GALNT17: variants seen among roughly 807,000 people sequenced by gnomAD.
GALNT17 encodes UDP-GalNAc:polypeptide N-acetylgalactosaminyltransferase-like 3.
GALNT17 carries 29 observed loss-of-function variants against 63.7 expected under a neutral mutation model. That is an observed-to-expected ratio of 0.46 (90% CI 0.34 to 0.62). The LOEUF (loss-of-function observed/expected upper bound fraction) is 0.62, where lower values mean the gene tolerates loss of function less well. GALNT17 is among the 20% of genes least tolerant of loss of function. The pLI is 0.01. For synonymous variants in GALNT17, 305 were observed against 318.3 expected (o/e 0.96, Z 0.45); for missense variants, 603 against 799.6 (o/e 0.75, Z 2.97).
intron 5 of GALNT17, among the ~76,000 whole-genome samples, chr7:71,539,305 G>A (rs1562682084): frequency 6.6e-6 from 1 of 152,040 alleles, no homozygotes; most frequent in Non-Finnish European, 1.5e-5. Flanking sequence ...TTTCTTGGAG[G>A]TTGCGGTTAT....
At chr7:71,154,174 C>T (rs186824388) in intron 1 of GALNT17, among the ~76,000 whole-genome samples, 19 of 152,126 alleles carry the variant, frequency 1.2e-4, no homozygotes, top group East Asian at 3.9e-4. Context: ...GCCACCATAC[C>T]GGCTTCGCTG....
intron 3 of GALNT17, among the ~76,000 whole-genome samples, chr7:71,392,835 A>G (rs1793074384): frequency 9.2e-6 from 1 of 109,028 alleles, no homozygotes; most frequent in Admixed American, 1.1e-4. Context: ...CCCGGGCCAG[A>G]AATCTCTTCT....
intron 6 of GALNT17, among the ~76,000 whole-genome samples, chr7:71,609,893 A>C (rs1371446358): frequency 1.3e-5 from 2 of 152,160 alleles, no homozygotes; most frequent in African/African-American, 4.8e-5. Context: ...TGATGTGAAA[A>C]GTATAATTAG....
chr7:71,339,689 C>CAAAA (rs34875384), intron 2 of GALNT17, among the ~76,000 whole-genome samples: 1 of 127,062 alleles, frequency 7.9e-6, no homozygotes. Flanking sequence ...GACTCTGTCT[C>CAAAA]AAAAAAAAAA....
intron 6 of GALNT17, among the ~76,000 whole-genome samples, chr7:71,643,651 A>G (rs368698435): frequency 3.3e-5 from 5 of 152,338 alleles, no homozygotes; most frequent in East Asian, 1.9e-4. Flanking sequence ...CCACACATGA[A>G]TTCTGCCTAA....
chr7:71,334,181 A>G (rs1791857098), intron 1 of GALNT17, among the ~76,000 whole-genome samples: 1 of 152,212 alleles, frequency 6.6e-6, no homozygotes, highest in Admixed American at 6.5e-5. Flanking sequence ...TTTGCTTTTG[A>G]TCTTGGTATT....
At chr7:71,200,296 T>A (rs1435007008) in intron 1 of GALNT17, among the ~76,000 whole-genome samples, 2 of 152,216 alleles carry the variant, frequency 1.3e-5, no homozygotes, top group South Asian at 4.1e-4. Flanking sequence ...TGTGTTTGTA[T>A]TGATGGAGCA....
chr7:71,191,637 T>G (rs1182114244), intron 1 of GALNT17, among the ~76,000 whole-genome samples: 1 of 152,216 alleles, frequency 6.6e-6, no homozygotes, highest in African/African-American at 2.4e-5. Flanking sequence ...TGCGTCGTCT[T>G]CTATGTGTGG....
chr7:71,651,220 CAAAA>C (rs71089971), intron 6 of GALNT17, among the ~76,000 whole-genome samples: 4 of 67,588 alleles, frequency 5.9e-5, no homozygotes, highest in African/African-American at 1.9e-4. Flanking sequence ...GATGGGAGCA[CAAAA>C]AAAAAAAAAA....
At chr7:71,508,142 T>C (rs2116718049) in intron 5 of GALNT17, among the ~76,000 whole-genome samples, 1 of 152,144 alleles carries the variant, frequency 6.6e-6, no homozygotes, top group Admixed American at 6.5e-5. Context: ...GTCATTGGAG[T>C]GAACCTCTCC....
At chr7:71,495,999 C>G (rs539815713) in intron 5 of GALNT17, among the ~76,000 whole-genome samples, 2 of 152,256 alleles carry the variant, frequency 1.3e-5, no homozygotes, top group South Asian at 2.1e-4. Context: ...CCTGCTGTTG[C>G]TGATATTGAA....
At chr7:71,536,912 A>T (rs1788811147) in intron 5 of GALNT17, among the ~76,000 whole-genome samples, 2 of 152,138 alleles carry the variant, frequency 1.3e-5, no homozygotes, top group African/African-American at 2.4e-5. Context: ...TATCTCCTGG[A>T]AACCCTTCCC....
chr7:71,522,485 AAG>A (rs1788545889), intron 5 of GALNT17, among the ~76,000 whole-genome samples: 1 of 152,182 alleles, frequency 6.6e-6, no homozygotes, highest in South Asian at 2.1e-4. Context: ...GCAGCAGGCA[AAG>A]AGAGAATGAA....
intron 6 of GALNT17, among the ~76,000 whole-genome samples, chr7:71,645,200 C>G (rs780533695): frequency 6.6e-5 from 10 of 152,204 alleles, no homozygotes; most frequent in Non-Finnish European, 1.3e-4. Flanking sequence ...CACCAACTTT[C>G]TCCAGGTGTT....
chr7:71,673,723 TC>T (rs746037523), intron 8 of GALNT17, among the ~76,000 whole-genome samples: 3 of 152,190 alleles, frequency 2.0e-5, no homozygotes, highest in Non-Finnish European at 4.4e-5. Flanking sequence ...CAAGCTATTC[TC>T]CCACCTCAGC....
intron 3 of GALNT17, among the ~76,000 whole-genome samples, chr7:71,390,233 G>C (rs1428261190): frequency 6.6e-6 from 1 of 152,186 alleles, no homozygotes; most frequent in East Asian, 1.9e-4. Flanking sequence ...AGATGGTGAG[G>C]AGGAGGCAAT....
chr7:71,169,152 C>T (rs1346008210), intron 1 of GALNT17, among the ~76,000 whole-genome samples: 1 of 152,184 alleles, frequency 6.6e-6, no homozygotes, highest in East Asian at 1.9e-4. Flanking sequence ...GTGCAGCTTT[C>T]TCCTCCAAAC....
chr7:71,219,079 T>C (rs1451971725), intron 1 of GALNT17, among the ~76,000 whole-genome samples: 2 of 152,160 alleles, frequency 1.3e-5, no homozygotes, highest in East Asian at 3.9e-4. Flanking sequence ...ATTGACCAGG[T>C]ACTACGTGAC....
chr7:71,356,755 A>G (rs1279385871), intron 2 of GALNT17, among the ~76,000 whole-genome samples: 1 of 152,130 alleles, frequency 6.6e-6, no homozygotes, highest in African/African-American at 2.4e-5. Context: ...CAAATATCCA[A>G]AACATAGCAT....
Sources: gnomAD v4.1 joint callset for allele counts (sites outside exome capture counted in the v4.1 genomes callset) on GRCh38, gnomAD v4.1.1 for gene constraint, MANE v1.5 for transcripts, NCBI Gene and HGNC (gene_info 2026-07-23, HGNC 2026-07-21) for gene names.